PLXNB1: variants seen among roughly 807,000 people sequenced by gnomAD.
PLXNB1 encodes the protein plexin B1.
A neutral mutation model predicts 209.4 loss-of-function variants in PLXNB1; 106 were observed. The ratio of observed to expected loss-of-function variants is 0.51; its 90% confidence interval spans 0.43 to 0.59. The LOEUF is 0.59. Among genes scored for constraint, PLXNB1 ranks in the 20% least tolerant of loss-of-function variants. The probability of loss-of-function intolerance (pLI) is 0.00; values close to 1 mark genes in which losing one functional copy is unlikely to be tolerated. For synonymous variants in PLXNB1, 1,167 were observed against 1,183.2 expected (o/e 0.99, Z 0.28); for missense variants, 2,357 against 2,853.2 (o/e 0.83, Z 3.96).
rs1156832730 is a variant in PLXNB1, at chr3:48,409,629, G to C, written c.5881C>G (p.Gln1961Glu). Residue 1961 changes from glutamine to glutamate, a missense_variant, in exon 33 of 38, where the codon CAG (glutamine) becomes GAG (glutamate). Around this residue, in one of 7 missense-constraint regions of PLXNB1, gnomAD observed 414 missense variants for 520.5 expected, o/e 0.80. Transcript: ENST00000296440. This position sits in a 1 kb window ranked among gnomAD's most constrained non-coding sequence, Gnocchi z 5.8. ...VKYFFDLLDE[Q>E]AQQHGISDQD... is the part of the protein sequence containing the mutation. ...TCGGAGATGCCATGCTGCTGGGCCT[G>C]CTCATCCAGCAGGTCAAAGAAGTAC... 1.9e-6 allele frequency: 3 copies of C among 1,613,880 alleles called. No individual in the cohort carries two copies. The highest frequency in any genetic ancestry group is 2.5e-6 in the Non-Finnish European group (3 of 1,180,014).
In PLXNB1 at chr3:48,405,520, G is replaced by C. The variant is rs541494200; in HGVS notation, c.6303+204C>G. 1.1e-4 allele frequency among the ~76,000 whole-genome samples: 16 copies of C among 152,302 alleles called. No individual in the cohort carries two copies. Among genetic ancestry groups the C allele is most frequent in the African/African-American group, 3.8e-4 (16 of 41,560 alleles). On this transcript the variant is annotated intron_variant, in intron 37 of 37. Coordinates refer to ENST00000296440, the MANE Select transcript of PLXNB1 (RefSeq NM_001130082.3). This position sits in a 1 kb window ranked among gnomAD's most constrained non-coding sequence, Gnocchi z 5.0. Reference sequence around the variant, plus strand: ...CCGTCCTGCTGGGGAGCTGGAATGGGGAGCAGTGGGACAGGTGAGAGCACA... The same window carrying C: ...CCGTCCTGCTGGGGAGCTGGAATGGCGAGCAGTGGGACAGGTGAGAGCACA...
chr3:48,419,477 GC>G lies in PLXNB1; in HGVS notation c.2709+99del. 6.7e-7 allele frequency: 1 copy of G among 1,497,918 alleles called. No individual in the cohort carries two copies. Among genetic ancestry groups the G allele is most frequent in the Non-Finnish European group, 9.0e-7 (1 of 1,111,224 alleles). The allele number at this position is 1,497,918 out of a possible 1,614,324, so 92.8% of individuals were successfully genotyped here. On this transcript the variant is annotated intron_variant, in intron 11 of 37. Coordinates refer to ENST00000296440, the MANE Select transcript of PLXNB1 (RefSeq NM_001130082.3). The surrounding 1 kb of genome is among the most constrained non-coding windows in gnomAD (Gnocchi z 5.7). ...GGTGTGGGGCTGCAGACTCCACCCT[GC>G]CCCTCACCTCCTCCCAGTGCAGAAT...
Position 48,410,091 on chromosome 3 carries a change from C to T in PLXNB1, c.5606-14G>A. 6.4e-7 allele frequency: 1 copy of T among 1,565,002 alleles called. No homozygotes were observed. The highest frequency in any genetic ancestry group is 8.7e-7 in the Non-Finnish European group (1 of 1,151,416). ...GCATTGGGGTCCCTGTGCCAAGAGC[C>T]CACAGCTGTCACCCCTCCCCAGGTG... is the stretch of plus-strand genomic sequence containing the variant. On this transcript the variant is annotated splice_polypyrimidine_tract_variant and intron_variant, in intron 31 of 37. Transcript: ENST00000296440. This position sits in a 1 kb window ranked among gnomAD's most constrained non-coding sequence, Gnocchi z 6.4.
In PLXNB1 at chr3:48,406,932, T is replaced by TAAAC. The variant is rs1276203914; in HGVS notation, c.6153-38_6153-35dup. The TAAAC allele has an allele frequency of 6.2e-7, 1 of 1,609,922 alleles. No homozygotes were observed. Among genetic ancestry groups the TAAAC allele is most frequent in the African/African-American group, 1.3e-5 (1 of 74,746 alleles). On this transcript the variant is annotated intron_variant, in intron 35 of 37. Coordinates refer to ENST00000296440, the MANE Select transcript of PLXNB1 (RefSeq NM_001130082.3). The surrounding 1 kb of genome is among the most constrained non-coding windows in gnomAD (Gnocchi z 4.4). ...GAGCCAGGGCACAGCAGCTGCTGGG[T>TAAAC]AAACAAGCCCACTCCCCTGCTCCCA...
intron 8 of PLXNB1, 23 bp from the exon 9 acceptor site, chr3:48,420,979 A>G: frequency 6.3e-7 from 1 of 1,579,118 alleles, no homozygotes; most frequent in Non-Finnish European, 8.7e-7. Flanking sequence ...AGAGAGGGCC[A>G]GGGTTAAGCA....
chr3:48,422,655 T>A (rs2038608985), intron 4 of PLXNB1, 110 bp downstream of exon 4: 1 of 1,296,984 alleles, frequency 7.7e-7, no homozygotes, highest in African/African-American at 1.5e-5. Flanking sequence ...GGAGCTCAGG[T>A]CATCTCTCCT....
chr3:48,428,169 T>C (rs947649898), intron 1 of PLXNB1, among the ~76,000 whole-genome samples: 3 of 152,136 alleles, frequency 2.0e-5, no homozygotes, highest in Admixed American at 6.5e-5. Flanking sequence ...GTAGGGGAGA[T>C]AGGGGGCCCA....
At chr3:48,427,938 G>C (rs1398881655) in intron 1 of PLXNB1, among the ~76,000 whole-genome samples, 1 of 152,194 alleles carries the variant, frequency 6.6e-6, no homozygotes, top group Non-Finnish European at 1.5e-5. Flanking sequence ...GGATTGCTCT[G>C]ACCAGTAAAC....
Position 48,410,288 on chromosome 3 carries a change from G to A in PLXNB1, c.5605+8C>T, listed in dbSNP as rs776781401. 1.6e-5 allele frequency: 26 copies of A among 1,597,014 alleles called. No individual in the cohort carries two copies. Among genetic ancestry groups the A allele is most frequent in the Non-Finnish European group, 2.0e-5 (23 of 1,169,206 alleles). On this transcript the variant is annotated splice_region_variant and intron_variant, in intron 31 of 37. Coordinates refer to ENST00000296440, the MANE Select transcript of PLXNB1 (RefSeq NM_001130082.3). This position sits in a 1 kb window ranked among gnomAD's most constrained non-coding sequence, Gnocchi z 6.4. ...GGGGCAGAGGACCGTGATGGGAGCGGTACTCACGCTCTCCAGGGACATAAT... is the reference window on the plus strand; with the variant it reads ...GGGGCAGAGGACCGTGATGGGAGCGATACTCACGCTCTCCAGGGACATAAT...
At position 48,419,598 on chromosome 3, in the gene PLXNB1, G is replaced by C; in HGVS notation, c.2688C>G (p.Asp896Glu). 1 of 1,610,538 alleles carries C rather than the reference G, an allele frequency of 6.2e-7. No homozygotes were observed. The highest frequency in any genetic ancestry group is 8.5e-7 in the Non-Finnish European group (1 of 1,178,278). The change falls in exon 11 of 38, where the codon GAC becomes GAG. Residue 896 changes from aspartate (D) to glutamate (E), a missense_variant. By Grantham distance (45) the Asp-to-Glu change is conservative. Transcript: ENST00000296440. This position sits in a 1 kb window ranked among gnomAD's most constrained non-coding sequence, Gnocchi z 5.7. ...TCACCAGCTCCCAGAGCCCGGGGGTGTCATACTGGTAGTCGAGGCTGGACG... is the reference window on the plus strand; with the variant it reads ...TCACCAGCTCCCAGAGCCCGGGGGTCTCATACTGGTAGTCGAGGCTGGACG... ...ILPSSLDYQYDTPGLWELEEA... is the reference protein window; with the variant it reads ...ILPSSLDYQYETPGLWELEEA...
At position 48,421,770 on chromosome 3, in the gene PLXNB1, GC is replaced by G; in HGVS notation, c.1556del (p.Gly519AlafsTer21). On this transcript the variant is annotated frameshift_variant, in exon 7 of 38. Coordinates refer to ENST00000296440, the MANE Select transcript of PLXNB1 (RefSeq NM_001130082.3). LOFTEE classifies it high-confidence loss of function. ...SRRSECSRGQGPEQWLWSFQP... is the reference protein window; with the variant it reads ...SRRSECSRGQXPEQWLWSFQP... ...GGAAGCTCCATAGCCACTGCTCTGG[GC>G]CCTGGCCCCTCGAGCACTCAGAACG... The G allele has an allele frequency of 6.2e-7, 1 of 1,606,704 alleles. No individual in the cohort carries two copies. The highest frequency in any genetic ancestry group is 8.5e-7 in the Non-Finnish European group (1 of 1,174,138).
Position 48,416,359 on chromosome 3 carries a change from T to G in PLXNB1, c.3467A>C (p.Asp1156Ala). Residue 1156 changes from aspartate (D) to alanine (A), a missense_variant, in exon 17 of 38, where the codon GAC becomes GCC. By Grantham distance (126) the Asp-to-Ala change is moderately radical. Around this residue, in one of 7 missense-constraint regions of PLXNB1, gnomAD observed 743 missense variants for 896.2 expected, o/e 0.83. Coordinates refer to ENST00000296440, the MANE Select transcript of PLXNB1 (RefSeq NM_001130082.3). The surrounding 1 kb of genome is among the most constrained non-coding windows in gnomAD (Gnocchi z 4.1). ...GCAGTCAGGTACCTGGTAGGCAAAGTCGTGTTCTGAGACACCACGTCCTCT... is the reference window on the plus strand; with the variant it reads ...GCAGTCAGGTACCTGGTAGGCAAAGGCGTGTTCTGAGACACCACGTCCTCT... ...PGRGRGVSEH[D>A]FAYQDPKVHS... is the part of the protein sequence containing the mutation. The G allele has an allele frequency of 6.2e-7, 1 of 1,612,008 alleles. No homozygotes were observed. Among genetic ancestry groups the G allele is most frequent in the Non-Finnish European group, 8.5e-7 (1 of 1,179,188 alleles).
chr3:48,412,280 C>T lies in PLXNB1; in HGVS notation c.5058G>A (p.Leu1686=), dbSNP rs752968611. 1.9e-6 allele frequency: 3 copies of T among 1,614,114 alleles called. No homozygotes were observed. Among genetic ancestry groups the T allele is most frequent in the African/African-American group, 1.3e-5 (1 of 75,052 alleles). The change falls in exon 27 of 38, where the codon CTG becomes CTA. Residue 1686 remains leucine (L), a synonymous_variant. Transcript: ENST00000296440. The part of the protein sequence containing the change: ...LRRTETVVEK[L]LTNWMSICLY... Reference sequence around the variant, plus strand: ...GACAGATGGACATCCAGTTGGTGAGCAGCTTCTCCACCACAGTCTCTGTCC... The same window carrying T: ...GACAGATGGACATCCAGTTGGTGAGTAGCTTCTCCACCACAGTCTCTGTCC...
In PLXNB1 at chr3:48,424,244, C is replaced by T. The variant is rs543884018; in HGVS notation, c.368G>A (p.Arg123His). 22 of 1,601,756 alleles carry T rather than the reference C, an allele frequency of 1.4e-5. No homozygotes were observed. Among genetic ancestry groups the T allele is most frequent in the Admixed American group, 5.1e-5 (3 of 58,754 alleles). Residue 123 changes from arginine (R) to histidine (H), a missense_variant, in exon 3 of 38, where the codon CGC becomes CAC. This residue lies in a region of PLXNB1 where 107 missense variants were observed against 167.2 expected (regional missense o/e 0.64). Transcript: ENST00000296440. ...SVHQGVCEQR[R>H]LGQLEQLLLR... ...CAGCAGCTGCTCGAGCTGCCCCAGG[C>T]GCCGCTGTTCACAGACCCCCTGGTG...
rs748810229 is a variant in PLXNB1, at chr3:48,409,360, G to A, written c.6056C>T (p.Ala2019Val). Residue 2019 changes from alanine (A) to valine (V), a missense_variant, in exon 34 of 38, where the codon GCC becomes GTC. By Grantham distance (64) the Ala-to-Val change is moderately conservative (BLOSUM62 0). Coordinates refer to ENST00000296440, the MANE Select transcript of PLXNB1 (RefSeq NM_001130082.3). This position sits in a 1 kb window ranked among gnomAD's most constrained non-coding sequence, Gnocchi z 5.8. ...CAGCTTGTGGTCGGCCAGGGTGCAGGCGTCCATGAAGGTCTGTGCAATGAC... is the reference window on the plus strand; with the variant it reads ...CAGCTTGTGGTCGGCCAGGGTGCAGACGTCCATGAAGGTCTGTGCAATGAC... Reference protein sequence around the residue: ...LLVIAQTFMDACTLADHKLGR... With the variant: ...LLVIAQTFMDVCTLADHKLGR... 23 of 1,614,196 alleles carry A rather than the reference G, an allele frequency of 1.4e-5. No homozygotes were observed. The highest frequency in any genetic ancestry group is 1.9e-5 in the Non-Finnish European group (22 of 1,180,042).
chr3:48,415,665 C>A lies in PLXNB1; in HGVS notation c.3712G>T (p.Glu1238Ter). 1.3e-6 allele frequency: 2 copies of A among 1,566,132 alleles called. No homozygotes were observed. The highest frequency in any genetic ancestry group is 2.3e-5 in the East Asian group (1 of 42,910). ...LPVAVWFGAT[E>*]RRLQRGQFKY... ...AACTGTCCGCGTTGAAGCCTCCGCTCCGTGGCCCCAAACCACACAGCCACA... is the reference window on the plus strand; with the variant it reads ...AACTGTCCGCGTTGAAGCCTCCGCTACGTGGCCCCAAACCACACAGCCACA... The change falls in exon 19 of 38, where the codon GAG (glutamate) becomes TAG (stop). Residue 1238 changes from glutamate (E) to a stop codon, truncating the protein, a stop_gained. Coordinates refer to ENST00000296440, the MANE Select transcript of PLXNB1 (RefSeq NM_001130082.3). LOFTEE classifies it high-confidence loss of function. The surrounding 1 kb of genome is among the most constrained non-coding windows in gnomAD (Gnocchi z 5.0).
chr3:48,404,584 T>C lies in PLXNB1; in HGVS notation c.6310A>G (p.Thr2104Ala). The C allele has an allele frequency of 6.2e-7, 1 of 1,610,092 alleles. No individual in the cohort carries two copies. Among genetic ancestry groups the C allele is most frequent in the South Asian group, 1.1e-5 (1 of 90,822 alleles). ...GCCGTGCCATCCTCCTCCAGGGCAG[T>C]GATGATCTGAAACAGAGACCAATGC... is the stretch of plus-strand genomic sequence containing the variant. ...YINKYYDQII[T>A]ALEEDGTAQK... The change falls in exon 38 of 38, where the codon ACT becomes GCT. Residue 2104 changes from threonine to alanine, a missense_variant. Physicochemically the swap from Thr to Ala is moderately conservative, Grantham distance 58. Around this residue, in one of 7 missense-constraint regions of PLXNB1, gnomAD observed 414 missense variants for 520.5 expected, o/e 0.80. Coordinates refer to ENST00000296440, the MANE Select transcript of PLXNB1 (RefSeq NM_001130082.3).
At chr3:48,420,510 A>G (rs1560068023) in intron 10 of PLXNB1, among the ~76,000 whole-genome samples, 155 bp downstream of exon 10, 1 of 152,146 alleles carries the variant, frequency 6.6e-6, no homozygotes, top group Non-Finnish European at 1.5e-5. Context: ...GGCGGGATGT[A>G]TCGGCGGCTG....
rs1207737362 is a variant in PLXNB1, at chr3:48,416,625, G to A, written c.3375-174C>T. ...GGAATTCTTTATGACACATCAGAAG[G>A]CCTTGGTATCTGAGAATTAATATTT... On this transcript the variant is annotated intron_variant, in intron 16 of 37. Transcript: ENST00000296440. This position sits in a 1 kb window ranked among gnomAD's most constrained non-coding sequence, Gnocchi z 4.1. The A allele has an allele frequency of 2.3e-6, 1 of 440,356 alleles. No individual in the cohort carries two copies. Among genetic ancestry groups the A allele is most frequent in the Non-Finnish European group, 4.0e-6 (1 of 251,130 alleles). The allele number at this position is 440,356 out of a possible 1,614,324, so 27.3% of individuals were successfully genotyped here. A position where few individuals can be genotyped will look rare whatever the true frequency, so the allele number is the denominator to read the frequency against.
Sources: gnomAD v4.1 joint callset for allele counts (sites outside exome capture counted in the v4.1 genomes callset) on GRCh38, gnomAD v4.1.1 for gene constraint, gnomAD v4.1.1 regional missense constraint, Gnocchi (gnomAD v3.1) non-coding constraint, MANE v1.5 for transcripts, NCBI Gene and HGNC (gene_info 2026-07-23, HGNC 2026-07-21) for gene names.